The following TMEM232 variants were observed in gnomAD, a reference collection of about 807,000 sequenced individuals.
TMEM232 encodes the protein transmembrane protein 232.
A neutral mutation model predicts 78.8 loss-of-function variants in TMEM232; 80 were observed. The observed-to-expected ratio is 1.01, with a 90% CI of 0.85 to 1.22. The LOEUF (loss-of-function observed/expected upper bound fraction) is 1.22. Among genes scored for constraint, TMEM232 ranks in the 50% most tolerant of loss-of-function variants. TMEM232 has a pLI of 0.00. For synonymous variants in TMEM232, 297 were observed against 254.3 expected (o/e 1.17, Z -1.60); for missense variants, 881 against 742.2 (o/e 1.19, Z -2.17).
In TMEM232 at chr5:110,531,550, G is replaced by T. The variant is rs542131568; in HGVS notation, c.1456-2715C>A. Among the ~76,000 whole-genome samples the T allele has an allele frequency of 3.3e-5, 5 of 152,046 alleles. No homozygotes were observed. In the East Asian group the frequency reaches 9.7e-4, roughly 29 times the overall value. ...ATCTCTTTCGCCTTTCAATCTTGGCGCCACACTTCAATCTCTCCCTTCTCT... is the reference window on the plus strand; with the variant it reads ...ATCTCTTTCGCCTTTCAATCTTGGCTCCACACTTCAATCTCTCCCTTCTCT... On this transcript the variant is annotated intron_variant, in intron 11 of 13. Coordinates refer to ENST00000455884, the MANE Select transcript of TMEM232 (RefSeq NM_001039763.4).
chr5:110,595,731 G>T (rs772081690), intron 10 of TMEM232, among the ~76,000 whole-genome samples: 7 of 152,108 alleles, frequency 4.6e-5, no homozygotes, highest in Non-Finnish European at 7.4e-5. Flanking sequence ...AGAGAAAAAA[G>T]AATGAAAAGG....
At chr5:110,552,862 T>G (rs1363287998) in intron 11 of TMEM232, among the ~76,000 whole-genome samples, 1 of 152,200 alleles carries the variant, frequency 6.6e-6, no homozygotes, top group Non-Finnish European at 1.5e-5. Flanking sequence ...CTAGGGTTTT[T>G]ATAGCTTTTG....
At chr5:110,526,877 A>G (rs768583506) in intron 12 of TMEM232, among the ~76,000 whole-genome samples, 2 of 151,930 alleles carry the variant, frequency 1.3e-5, no homozygotes, top group Non-Finnish European at 2.9e-5. Context: ...AAAAAATGAT[A>G]ATAACTAGAA....
intron 12 of TMEM232, among the ~76,000 whole-genome samples, chr5:110,471,854 T>C (rs1221171560): frequency 6.6e-6 from 1 of 150,778 alleles, no homozygotes; most frequent in Admixed American, 6.6e-5. Flanking sequence ...GACTAAGAAG[T>C]CAAAAAAGAG....
chr5:110,447,291 C>T (rs1759766237), intron 12 of TMEM232, among the ~76,000 whole-genome samples: 1 of 151,894 alleles, frequency 6.6e-6, no homozygotes, highest in Non-Finnish European at 1.5e-5. Flanking sequence ...GAATAGAAAC[C>T]CGTCTCCTTA....
chr5:110,679,770 G>T (rs1792486391), intron 1 of TMEM232, among the ~76,000 whole-genome samples: 2 of 151,660 alleles, frequency 1.3e-5, no homozygotes, highest in South Asian at 2.1e-4. Context: ...ATATAATTTT[G>T]CAATTGTTTT....
chr5:110,510,434 TG>T (rs1767585530), intron 12 of TMEM232, among the ~76,000 whole-genome samples: 1 of 152,216 alleles, frequency 6.6e-6, no homozygotes, highest in Non-Finnish European at 1.5e-5. Flanking sequence ...TCATATGTAA[TG>T]ATCACCAAAT....
At chr5:110,402,880 C>A (rs1755655579) in intron 2 of TMEM232, among the ~76,000 whole-genome samples, 1 of 151,846 alleles carries the variant, frequency 6.6e-6, no homozygotes, top group South Asian at 2.1e-4. Flanking sequence ...AATCCAGATC[C>A]CTATGACCAG....
intron 11 of TMEM232, among the ~76,000 whole-genome samples, chr5:110,534,897 C>G (rs890380065): frequency 6.6e-6 from 1 of 152,026 alleles, no homozygotes; most frequent in African/African-American, 2.4e-5. Flanking sequence ...TTCTAAATGA[C>G]AAATATTTCT....
intron 12 of TMEM232, among the ~76,000 whole-genome samples, chr5:110,490,767 A>G (rs1452702490): frequency 2.0e-5 from 3 of 152,160 alleles, no homozygotes; most frequent in African/African-American, 7.2e-5. Flanking sequence ...ACAACTTGAT[A>G]TCCACTTACA....
intron 5 of TMEM232, chr5:110,629,058 T>G (rs1305532518): frequency 6.6e-6 from 1 of 152,048 alleles, no homozygotes; most frequent in Non-Finnish European, 1.5e-5. Flanking sequence ...AACAACTTTG[T>G]TGTAGTACTG....
chr5:110,559,988 A>T (rs1775557402), intron 11 of TMEM232, among the ~76,000 whole-genome samples: 1 of 152,132 alleles, frequency 6.6e-6, no homozygotes. Context: ...AAAGACACCA[A>T]TCTTATTGGA....
At chr5:110,505,146 C>A (rs1380233960) in intron 12 of TMEM232, among the ~76,000 whole-genome samples, 2 of 152,118 alleles carry the variant, frequency 1.3e-5, no homozygotes, top group Non-Finnish European at 2.9e-5. Context: ...ATTCCCAGCT[C>A]CCTAACTCCT....
At chr5:110,472,626 A>G (rs1762804192) in intron 12 of TMEM232, among the ~76,000 whole-genome samples, 3 of 151,956 alleles carry the variant, frequency 2.0e-5, no homozygotes, top group South Asian at 4.1e-4. Context: ...AAAACCAAAT[A>G]AACACAACAA....
chr5:110,680,105 T>C (rs776838794), intron 1 of TMEM232, among the ~76,000 whole-genome samples: 1 of 151,952 alleles, frequency 6.6e-6, no homozygotes, highest in Non-Finnish European at 1.5e-5. Flanking sequence ...GTGAGTTTAA[T>C]ATGCAACCCA....
chr5:110,556,341 C>CTCCCTTCCCT (rs528923293), intron 11 of TMEM232, among the ~76,000 whole-genome samples: 9,550 of 144,616 alleles, frequency 0.066, 397 homozygotes, highest in Admixed American at 0.11. Flanking sequence ...CCTTTCCTTC[C>CTCCCTTCCCT]TCCCTTCCCT....
At position 110,620,468 on chromosome 5, in the gene TMEM232, C is replaced by T. The variant is rs555609414; in HGVS notation, c.769-1906G>A. On this transcript the variant is annotated intron_variant, in intron 7 of 13. Transcript: ENST00000455884. ...AAACCTCTAGAGAGAACCCTTACTT[C>T]CTTAGACTCTTCCCAAGATCATCCA... 1.9e-4 allele frequency among the ~76,000 whole-genome samples: 29 copies of T among 152,222 alleles called. 1 individual carries two copies. In the South Asian group the frequency reaches 6.0e-3, roughly 32 times the overall value.
chr5:110,662,493 CAT>C (rs1789938946), intron 2 of TMEM232, among the ~76,000 whole-genome samples: 1 of 151,984 alleles, frequency 6.6e-6, no homozygotes, highest in Non-Finnish European at 1.5e-5. Flanking sequence ...TTTTCAAAAA[CAT>C]AAATTATGAC....
chr5:110,713,118 CATT>C (rs912938369), intron 1 of TMEM232, among the ~76,000 whole-genome samples: 16 of 151,178 alleles, frequency 1.1e-4, no homozygotes, highest in African/African-American at 3.9e-4. Flanking sequence ...TATGGATAGT[CATT>C]ATGTTAAGAG....
Sources: allele counts gnomAD v4.1 joint callset (sites outside exome capture counted in the v4.1 genomes callset), GRCh38; gene constraint gnomAD v4.1.1; transcripts MANE v1.5; gene names NCBI Gene and HGNC (gene_info 2026-07-23, HGNC 2026-07-21).